The following LPAR6 variants were observed in gnomAD, a reference collection of about 807,000 sequenced individuals.
LPAR6 encodes the protein G-protein coupled purinergic receptor P2Y5.
A neutral mutation model predicts 22.0 loss-of-function variants in LPAR6; 17 were observed. The ratio of observed to expected loss-of-function variants is 0.77; its 90% CI spans 0.53 to 1.16. LPAR6 has a LOEUF of 1.16. Ranked by LOEUF, LPAR6 falls within the 50% of genes most tolerant of loss-of-function variation. The pLI is 0.00. For synonymous variants in LPAR6, 136 were observed against 139.8 expected (o/e 0.97, Z 0.19); for missense variants, 384 against 406.9 (o/e 0.94, Z 0.48).
Position 48,411,210 on chromosome 13 carries a change from C to T in LPAR6, c.*179G>A, listed in dbSNP as rs1248455245. On this transcript the variant is annotated 3_prime_UTR_variant, in exon 1 of 1. Transcript: ENST00000620633. ...AGAAAAATCAGATGGAGTGGATACA[C>T]AAATAAAATACATGTTAATGCTTAA... 1.8e-5 allele frequency: 10 copies of T among 559,002 alleles called. No homozygotes were observed. Among genetic ancestry groups the T allele is most frequent in the East Asian group, 2.9e-5 (1 of 34,606 alleles). 34.6% of individuals were successfully genotyped at this position (559,002 alleles called of 1,614,324 possible). A position where few individuals can be genotyped will look rare whatever the true frequency, so the allele number is the denominator to read the frequency against.
At chr13:48,440,899 G>T (rs772527391) in intron 1 of LPAR6, among the ~76,000 whole-genome samples, 2 of 152,128 alleles carry the variant, frequency 1.3e-5, no homozygotes, top group Non-Finnish European at 2.9e-5. Flanking sequence ...TGCTAAGAAT[G>T]CCCTATATTG....
At chr13:48,442,830 G>A (rs1441862648) in intron 1 of LPAR6, among the ~76,000 whole-genome samples, 1 of 151,816 alleles carries the variant, frequency 6.6e-6, no homozygotes, top group Non-Finnish European at 1.5e-5. Flanking sequence ...AAAATTAACA[G>A]AACAATCACA....
chr13:48,392,114 T>C (rs558685693), intron 1 of LPAR6, among the ~76,000 whole-genome samples: 3 of 152,038 alleles, frequency 2.0e-5, no homozygotes, highest in Non-Finnish European at 4.4e-5. Flanking sequence ...CCTTGTTTCT[T>C]TTTTTCTTTT....
chr13:48,422,922 C>T (rs1478125816), intron 1 of LPAR6: 1 of 152,266 alleles, frequency 6.6e-6, no homozygotes, highest in Non-Finnish European at 1.5e-5. Flanking sequence ...GAGAGGATCA[C>T]TTGAGACCAG....
intron 1 of LPAR6, among the ~76,000 whole-genome samples, chr13:48,392,172 A>T (rs1948615742): frequency 6.6e-6 from 1 of 151,354 alleles, no homozygotes; most frequent in Non-Finnish European, 1.5e-5. Flanking sequence ...GTGCAGTGGC[A>T]TGATCCCAGC....
intron 1 of LPAR6, chr13:48,439,925 T>C (rs905828786): frequency 6.6e-6 from 1 of 152,178 alleles, no homozygotes; most frequent in Non-Finnish European, 1.5e-5. Flanking sequence ...ATATAGTTTA[T>C]ACTTCTTAAG....
intron 1 of LPAR6, among the ~76,000 whole-genome samples, chr13:48,398,865 G>A (rs139809011): frequency 1.3e-5 from 2 of 152,046 alleles, no homozygotes; most frequent in Non-Finnish European, 2.9e-5. Flanking sequence ...AGTAACAAGG[G>A]AAGTGTTTTG....
upstream of LPAR6, among the ~76,000 whole-genome samples, chr13:48,430,555 C>G (rs989641299): frequency 6.6e-6 from 1 of 152,078 alleles, no homozygotes; most frequent in African/African-American, 2.4e-5. Flanking sequence ...GCCTAGCTAA[C>G]GTGGTGAAAC....
At chr13:48,394,002 C>T (rs529480158) in intron 1 of LPAR6, among the ~76,000 whole-genome samples, 3 of 152,284 alleles carry the variant, frequency 2.0e-5, no homozygotes, top group Non-Finnish European at 4.4e-5. Flanking sequence ...CAGCTGCCAG[C>T]GAGATCAACC....
intron 1 of LPAR6, among the ~76,000 whole-genome samples, chr13:48,433,631 CT>C (rs1356049713): frequency 6.6e-6 from 1 of 150,898 alleles, no homozygotes; most frequent in African/African-American, 2.4e-5. Flanking sequence ...ATAATTGTTT[CT>C]TGATAAAACT....
chr13:48,407,604 A>G (rs1948751652), downstream of LPAR6, among the ~76,000 whole-genome samples: 1 of 152,222 alleles, frequency 6.6e-6, no homozygotes, highest in East Asian at 1.9e-4. Context: ...TTGCTAAATA[A>G]GTAATGCTGT....
chr13:48,417,723 G>A (rs1425091659), upstream of LPAR6, among the ~76,000 whole-genome samples: 8 of 152,092 alleles, frequency 5.3e-5, no homozygotes, highest in Non-Finnish European at 8.8e-5. Flanking sequence ...CACAGCACAA[G>A]AACTTCGTGA....
At position 48,412,077 on chromosome 13, in the gene LPAR6, A is replaced by G; in HGVS notation, c.347T>C (p.Leu116Pro). The change falls in exon 1 of 1, where the codon CTG becomes CCG. Residue 116 changes from leucine to proline, a missense_variant. Leu to Pro is a moderately conservative substitution (Grantham distance 98). Transcript: ENST00000620633. ...TGACTTAAATGGGTAGACAATTGCC[A>G]GAAATCGATCTACACTAATACAGGT... ...FLTCISVDRF[L>P]AIVYPFKSKT... is the part of the protein sequence containing the mutation. The G allele has an allele frequency of 2.7e-6, 4 of 1,459,522 alleles. No individual in the cohort carries two copies. Among genetic ancestry groups the G allele is most frequent in the African/African-American group, 1.6e-5 (1 of 60,666 alleles). The allele number at this position is 1,459,522 out of a possible 1,614,324, so 90.4% of individuals were successfully genotyped here.
At chr13:48,409,641 C>T (rs1274291220), downstream of LPAR6, among the ~76,000 whole-genome samples, 3 of 121,792 alleles carry the variant, frequency 2.5e-5, no homozygotes, top group South Asian at 5.4e-4. Flanking sequence ...AGTGCAGTGG[C>T]GAGATCTTGG....
chr13:48,397,109 C>G (rs1242978658), intron 1 of LPAR6, among the ~76,000 whole-genome samples: 1 of 152,010 alleles, frequency 6.6e-6, no homozygotes, highest in Non-Finnish European at 1.5e-5. Context: ...GATCTAGAGC[C>G]AGAAATAATA....
chr13:48,418,164 C>T (rs866679025), intron 2 of LPAR6, among the ~76,000 whole-genome samples: 1 of 152,158 alleles, frequency 6.6e-6, no homozygotes, highest in South Asian at 2.1e-4. Flanking sequence ...GGAAGCCCAT[C>T]AGACTAATAG....
intron 1 of LPAR6, chr13:48,404,187 G>A (rs998896108): frequency 1.3e-5 from 2 of 152,124 alleles, no homozygotes; most frequent in South Asian, 2.1e-4. Flanking sequence ...TTACAGACAC[G>A]GGGCTAGGGT....
intron 1 of LPAR6, among the ~76,000 whole-genome samples, chr13:48,443,547 T>C (rs1593522152): frequency 1.3e-5 from 2 of 152,332 alleles, no homozygotes; most frequent in Non-Finnish European, 2.9e-5. Flanking sequence ...TTAAATGAGG[T>C]AATACATTCA....
At chr13:48,432,695 C>T (rs1030232765) in intron 1 of LPAR6, among the ~76,000 whole-genome samples, 3 of 152,118 alleles carry the variant, frequency 2.0e-5, no homozygotes, top group Non-Finnish European at 4.4e-5. Flanking sequence ...TGTCAACTGT[C>T]TTCCTTGACT....
Sources: allele counts gnomAD v4.1 joint callset (sites outside exome capture counted in the v4.1 genomes callset), GRCh38; gene constraint gnomAD v4.1.1; transcripts MANE v1.5; gene names NCBI Gene and HGNC (gene_info 2026-07-23, HGNC 2026-07-21).